Variants in SORCS3 observed in about 807,000 individuals in gnomAD.
SORCS3 encodes sortilin related VPS10 domain containing receptor 3, also known as VPS10 domain-containing receptor SorCS3.
Under a neutral mutation model 146.3 loss-of-function variants are expected in SORCS3, and 57 were observed. That is an observed-to-expected ratio of 0.39 (90% CI 0.31 to 0.49). The LOEUF (loss-of-function observed/expected upper bound fraction) is 0.49. SORCS3 is among the 20% of genes least tolerant of loss of function. The probability of loss-of-function intolerance (pLI) is 0.92; values close to 1 mark genes in which losing one functional copy is unlikely to be tolerated. For synonymous variants in SORCS3, 653 were observed against 618.5 expected, an observed-to-expected ratio of 1.06 and a Z score of -0.83; for missense variants, 1,341 against 1,575.5, an observed-to-expected ratio of 0.85 and a Z score of 2.52.
intron 3 of SORCS3, among the ~76,000 whole-genome samples, chr10:104,935,408 C>T (rs1318501422): frequency 6.6e-6 from 1 of 152,160 alleles, no homozygotes; most frequent in Non-Finnish European, 1.5e-5. Flanking sequence ...TACCCATGCT[C>T]AGGCCTCAGC....
intron 1 of SORCS3, among the ~76,000 whole-genome samples, chr10:104,669,331 C>T (rs1002780349): frequency 5.3e-5 from 8 of 152,126 alleles, no homozygotes; most frequent in African/African-American, 1.4e-4. Context: ...CCAGCGTCAC[C>T]GCCATTCATC....
intron 3 of SORCS3, among the ~76,000 whole-genome samples, chr10:104,950,816 G>A (rs1007042873): frequency 2.6e-5 from 4 of 152,138 alleles, no homozygotes; most frequent in East Asian, 1.9e-4. Flanking sequence ...CGAAGATTCC[G>A]GTTGATTCCT....
intron 7 of SORCS3, among the ~76,000 whole-genome samples, chr10:105,127,731 A>C (rs1430591445): frequency 1.3e-5 from 2 of 152,154 alleles, no homozygotes; most frequent in African/African-American, 2.4e-5. Context: ...ATTTGGAACA[A>C]CAGCTGGTAA....
chr10:105,218,996 CAG>C (rs2056681772), intron 19 of SORCS3, among the ~76,000 whole-genome samples: 1 of 151,990 alleles, frequency 6.6e-6, no homozygotes, highest in Non-Finnish European at 1.5e-5. Flanking sequence ...GCCTGGGAGA[CAG>C]AGCGAGACCC....
Position 105,149,928 on chromosome 10 carries a change from G to A in SORCS3, c.1482+2132G>A, listed in dbSNP as rs1260113909. 2.0e-5 allele frequency among the ~76,000 whole-genome samples: 3 copies of A among 152,002 alleles called. No individual in the cohort carries two copies. In the South Asian group the frequency reaches 6.2e-4, roughly 31 times the overall value. ...TTGGTCTTGTGTTTTCAGTCTTATT[G>A]AAGAAAAAAATGCATGGTGTCACTG... On this transcript the variant is annotated intron_variant, in intron 9 of 26. Transcript: ENST00000369701.
chr10:105,109,050 A>C (rs1486765937), intron 7 of SORCS3, among the ~76,000 whole-genome samples: 2 of 152,094 alleles, frequency 1.3e-5, no homozygotes, highest in Non-Finnish European at 2.9e-5. Flanking sequence ...GAGTATTTGT[A>C]TTTTTGTTCT....
chr10:104,892,584 G>A (rs1051734503), intron 2 of SORCS3, among the ~76,000 whole-genome samples: 16 of 152,106 alleles, frequency 1.1e-4, no homozygotes, highest in African/African-American at 3.6e-4. Flanking sequence ...TTAGCAGGGC[G>A]TGGTGGCGTG....
chr10:104,956,025 G>A (rs983057579), intron 3 of SORCS3, among the ~76,000 whole-genome samples: 1 of 152,086 alleles, frequency 6.6e-6, no homozygotes, highest in Non-Finnish European at 1.5e-5. Flanking sequence ...TTGAGGGAGT[G>A]ATAGGATTTA....
chr10:105,200,110 C>T lies in SORCS3; in HGVS notation c.2121C>T (p.Leu707=), dbSNP rs975025484. ...AGGACTATCAGACCTGGCACCTGCT[C>T]AATCAGGTACACACCCCAGGGAGTT... is the stretch of plus-strand genomic sequence containing the variant. ...TKEDYQTWHL[L]NQGEPCVMGE... Residue 707 remains leucine (L), a synonymous_variant, in exon 15 of 27, where the codon CTC becomes CTT. Transcript: ENST00000369701. The T allele has an allele frequency of 2.2e-5, 36 of 1,611,314 alleles. No homozygotes were observed. Among genetic ancestry groups the T allele is most frequent in the Non-Finnish European group, 2.9e-5 (34 of 1,177,800 alleles).
At chr10:105,019,933 C>T (rs1350141775) in intron 4 of SORCS3, among the ~76,000 whole-genome samples, 1 of 152,176 alleles carries the variant, frequency 6.6e-6, no homozygotes, top group Admixed American at 6.6e-5. Context: ...AGATGATTCT[C>T]TTCTGTATTA....
At chr10:104,832,074 C>T (rs2018006707) in intron 1 of SORCS3, among the ~76,000 whole-genome samples, 1 of 152,150 alleles carries the variant, frequency 6.6e-6, no homozygotes, top group African/African-American at 2.4e-5. Flanking sequence ...TAGCAAATAC[C>T]TCAGAGGGTT....
chr10:105,079,517 A>C (rs1050494660), intron 5 of SORCS3, among the ~76,000 whole-genome samples: 1 of 152,216 alleles, frequency 6.6e-6, no homozygotes, highest in Non-Finnish European at 1.5e-5. Flanking sequence ...GATGATAGTC[A>C]ATAGTAACAT....
intron 1 of SORCS3, among the ~76,000 whole-genome samples, chr10:104,741,104 G>T (rs1332196580): frequency 4.0e-5 from 6 of 150,828 alleles, no homozygotes; most frequent in Non-Finnish European, 5.9e-5. Context: ...TGATACTACA[G>T]GTGCATTCCA....
rs962274058 is a variant in SORCS3, at chr10:104,658,472, T to C, written c.627+16518T>C. Among the ~76,000 whole-genome samples the C allele has an allele frequency of 1.5e-4, 23 of 152,228 alleles. 4 individuals are homozygous for C. Among genetic ancestry groups the C allele is most frequent in the Admixed American group, 1.4e-3 (22 of 15,282 alleles). On this transcript the variant is annotated intron_variant, in intron 1 of 26. Transcript: ENST00000369701. ...TTGAGATGGAGTTCACTCTTGTTGCTCAGGCTGGAGTATGCAATGGCATGA... is the reference window on the plus strand; with the variant it reads ...TTGAGATGGAGTTCACTCTTGTTGCCCAGGCTGGAGTATGCAATGGCATGA...
chr10:105,242,647 T>TTTATATAC (rs2056838235), intron 20 of SORCS3, among the ~76,000 whole-genome samples: 3 of 94,630 alleles, frequency 3.2e-5, no homozygotes, highest in Non-Finnish European at 5.7e-5. Context: ...TTTATATATA[T>TTTATATAC]ATTTATATAC....
intron 3 of SORCS3, among the ~76,000 whole-genome samples, chr10:104,947,264 G>GGCA (rs2019381606): frequency 6.6e-6 from 1 of 152,114 alleles, no homozygotes; most frequent in African/African-American, 2.4e-5. Context: ...AAGCTTCTAT[G>GGCA]GCAGTGAAAG....
chr10:105,250,390 G>C (rs1304685619), intron 22 of SORCS3, among the ~76,000 whole-genome samples: 1 of 152,110 alleles, frequency 6.6e-6, no homozygotes, highest in East Asian at 1.9e-4. Flanking sequence ...AGCTTTTTAG[G>C]AAATAACTTG....
intron 1 of SORCS3, among the ~76,000 whole-genome samples, chr10:104,769,349 A>G (rs2496031): frequency 0.8 from 121,092 of 152,172 alleles, 48,470 homozygotes; most frequent in East Asian, 0.94. Context: ...GTGCCCACGG[A>G]GGTGTTGTGG....
chr10:104,719,625 C>G (rs1021712825), intron 1 of SORCS3, among the ~76,000 whole-genome samples: 1 of 152,158 alleles, frequency 6.6e-6, no homozygotes, highest in Non-Finnish European at 1.5e-5. Flanking sequence ...ATCATTTATA[C>G]CTGCCTCCAG....
Sources: allele counts gnomAD v4.1 joint callset (sites outside exome capture counted in the v4.1 genomes callset), GRCh38; gene constraint gnomAD v4.1.1; transcripts MANE v1.5; gene names NCBI Gene and HGNC (gene_info 2026-07-23, HGNC 2026-07-21).